Variants in XPO4 observed in about 807,000 individuals in gnomAD.
XPO4 encodes exportin-4.
In XPO4, 39 loss-of-function variants were observed where a neutral mutation model predicts 143.0. The observed-to-expected ratio is 0.27, with a 90% CI of 0.21 to 0.36. The LOEUF (loss-of-function observed/expected upper bound fraction) is 0.36. Among genes scored for constraint, XPO4 ranks in the 10% least tolerant of loss-of-function variants. The probability of loss-of-function intolerance (pLI) is 1.00; values close to 1 mark genes in which losing one functional copy is unlikely to be tolerated. For synonymous variants in XPO4, 439 were observed against 474.0 expected (o/e 0.93, Z 0.96); for missense variants, 907 against 1,348.0 (o/e 0.67, Z 5.12).
At position 20,855,734 on chromosome 13, in the gene XPO4, G is replaced by C; in HGVS notation, c.349C>G (p.Leu117Val). The C allele has an allele frequency of 3.1e-6, 5 of 1,605,096 alleles. No homozygotes were observed. The highest frequency in any genetic ancestry group is 4.2e-6 in the Non-Finnish European group (5 of 1,177,924). ...CTTTTTACAATTACTGCTACTGCTA[G>C]TAGAATCTGTTCCCGAACATACTTT... ...LQKYVREQIL[L>V]AVAVIVKRGS... is the part of the protein sequence containing the mutation. The change falls in exon 4 of 23, where the codon CTA (leucine) becomes GTA (valine). Residue 117 changes from leucine to valine, a missense_variant. Coordinates refer to ENST00000255305, the MANE Select transcript of XPO4 (RefSeq NM_022459.5).
At chr13:20,894,469 T>C (rs997155108) in intron 1 of XPO4, among the ~76,000 whole-genome samples, 1 of 152,192 alleles carries the variant, frequency 6.6e-6, no homozygotes, top group African/African-American at 2.4e-5. Context: ...AGTCTTAGTC[T>C]GAACCATGAT....
At chr13:20,876,667 T>G (rs2138149920) in intron 1 of XPO4, among the ~76,000 whole-genome samples, 1 of 152,252 alleles carries the variant, frequency 6.6e-6, no homozygotes, top group Middle Eastern at 3.4e-3. Flanking sequence ...ATTAGTAAAT[T>G]GAACTATATT....
intron 4 of XPO4, chr13:20,850,221 C>T (rs186790617): frequency 3.0e-6 from 3 of 985,116 alleles, no homozygotes; most frequent in Non-Finnish European, 3.6e-6. Flanking sequence ...TAGTTCACTT[C>T]CCGAGATTCT....
intron 4 of XPO4, among the ~76,000 whole-genome samples, chr13:20,855,150 G>C (rs2060129494): frequency 1.3e-5 from 2 of 152,062 alleles, no homozygotes; most frequent in African/African-American, 4.8e-5. Flanking sequence ...TTTATATTAT[G>C]TACATATATA....
chr13:20,785,195 G>A (rs2059185264), intron 22 of XPO4, among the ~76,000 whole-genome samples: 1 of 152,104 alleles, frequency 6.6e-6, no homozygotes, highest in Non-Finnish European at 1.5e-5. Context: ...GGCTTCTTGG[G>A]ATATCATGAT....
intron 3 of XPO4, among the ~76,000 whole-genome samples, chr13:20,861,303 T>C (rs1329195112): frequency 6.7e-6 from 1 of 150,328 alleles, no homozygotes; most frequent in Non-Finnish European, 1.5e-5. Flanking sequence ...TCCTCTTTTT[T>C]TTTTTTTTTT....
chr13:20,813,015 T>A (rs1199724320), intron 9 of XPO4, among the ~76,000 whole-genome samples: 1 of 152,106 alleles, frequency 6.6e-6, no homozygotes, highest in African/African-American at 2.4e-5. Context: ...TCCGCAGGCT[T>A]AACAGGAAGG....
chr13:20,789,601 G>C (rs1385369361), intron 19 of XPO4, among the ~76,000 whole-genome samples: 2 of 151,304 alleles, frequency 1.3e-5, no homozygotes, highest in Non-Finnish European at 3.0e-5. Context: ...GTAGAGGCGG[G>C]GTTTCACCAT....
chr13:20,867,346 AT>A (rs913920112), intron 2 of XPO4, among the ~76,000 whole-genome samples: 2 of 152,258 alleles, frequency 1.3e-5, no homozygotes, highest in Admixed American at 6.5e-5. Flanking sequence ...AGAACACAGC[AT>A]TTTTAAAGCC....
chr13:20,792,462 G>A (rs1025344953), intron 18 of XPO4, among the ~76,000 whole-genome samples: 4 of 152,116 alleles, frequency 2.6e-5, no homozygotes, highest in Non-Finnish European at 5.9e-5. Context: ...CCAGGTACTT[G>A]GGAGGCTGAG....
At position 20,822,791 on chromosome 13, in the gene XPO4, C is replaced by T. The variant is rs564167004; in HGVS notation, c.841-502G>A. ...TCATTCAACCAAAATATAATGAGCA[C>T]GTTCTTTTATTAATTCTCAGTTTGC... is the stretch of plus-strand genomic sequence containing the variant. On this transcript the variant is annotated intron_variant, in intron 7 of 22. Transcript: ENST00000255305. Among the ~76,000 whole-genome samples, 296 of 152,242 alleles carry T rather than the reference C, an allele frequency of 1.9e-3. 2 individuals carry two copies. The highest frequency in any genetic ancestry group is 6.8e-3 in the African/African-American group (281 of 41,548).
intron 9 of XPO4, among the ~76,000 whole-genome samples, chr13:20,816,663 G>A (rs2059654700): frequency 6.6e-6 from 1 of 152,172 alleles, no homozygotes; most frequent in African/African-American, 2.4e-5. Flanking sequence ...CACTAAAGGT[G>A]CAAGAATTCT....
intron 1 of XPO4, among the ~76,000 whole-genome samples, chr13:20,890,945 TC>T (rs1284320584): frequency 6.6e-6 from 1 of 150,960 alleles, no homozygotes; most frequent in African/African-American, 2.4e-5. Context: ...AAACCCCGTC[TC>T]TACTAAAAAT....
Position 20,856,277 on chromosome 13 carries a change from C to T in XPO4, c.318-512G>A, listed in dbSNP as rs1006135065. The stretch of plus-strand genomic sequence containing the variant: ...TTAATGTGAAAAGGCAACATACTAG[C>T]TATCCGAGATACATCATTATGGAAA... On this transcript the variant is annotated intron_variant, in intron 3 of 22. Transcript: ENST00000255305. 1.4e-5 allele frequency: 13 copies of T among 949,830 alleles called. No homozygotes were observed. The African/African-American group carries it at 2.3e-4, about 17-fold the overall frequency. The allele number at this position is 949,830 out of a possible 1,614,324, so 58.8% of individuals were successfully genotyped here. A position where few individuals can be genotyped will look rare whatever the true frequency, so the allele number is the denominator to read the frequency against.
rs1034248975 is a variant in XPO4, at chr13:20,873,059, T to C, written c.70-4358A>G. ...CATAAATCAGAAGGATTGGAAGCAA[T>C]AGGAGGTGGTAGTAGAGACCCGTGA... On this transcript the variant is annotated intron_variant, in intron 1 of 22. Coordinates refer to ENST00000255305, the MANE Select transcript of XPO4 (RefSeq NM_022459.5). Among the ~76,000 whole-genome samples, 8 of 138,854 alleles carry C rather than the reference T, an allele frequency of 5.8e-5. No individual in the cohort carries two copies. The East Asian group carries it at 1.7e-3, about 30-fold the overall frequency. 91.1% of individuals were successfully genotyped at this position (138,854 alleles called of 152,430 possible). A position where few individuals can be genotyped will look rare whatever the true frequency, so the allele number is the denominator to read the frequency against.
intron 2 of XPO4, among the ~76,000 whole-genome samples, chr13:20,867,467 G>A (rs761081303): frequency 2.0e-5 from 3 of 152,086 alleles, no homozygotes; most frequent in Non-Finnish European, 4.4e-5. Context: ...TTCACCTCAC[G>A]AAACAATTTA....
At chr13:20,790,795 G>A (rs994164835) in intron 18 of XPO4, among the ~76,000 whole-genome samples, 2 of 152,138 alleles carry the variant, frequency 1.3e-5, no homozygotes, top group African/African-American at 2.4e-5. Flanking sequence ...CCCCAGCCCT[G>A]TGTCATCCTT....
At chr13:20,785,858 G>A (rs1231312835) in intron 22 of XPO4, among the ~76,000 whole-genome samples, 5 of 138,906 alleles carry the variant, frequency 3.6e-5, no homozygotes, top group East Asian at 4.3e-4. Context: ...GGAAGGGAAC[G>A]GGGGAGGAAA....
rs1367849144 is a variant in XPO4 at position 20,827,185 on chromosome 13, T to C, written c.728-6A>G. 2 of 1,602,556 alleles carry C rather than the reference T, an allele frequency of 1.2e-6. No homozygotes were observed. Among genetic ancestry groups the C allele is most frequent in the Admixed American group, 1.7e-5 (1 of 59,990 alleles). On this transcript the variant is annotated splice_region_variant and splice_polypyrimidine_tract_variant and intron_variant, in intron 6 of 22. Coordinates refer to ENST00000255305, the MANE Select transcript of XPO4 (RefSeq NM_022459.5). The stretch of plus-strand genomic sequence containing the variant: ...AGCTATATAATGTCTGCCCAGTTAT[T>C]TGGTGTCAAGGTCAACAACAATAAC...
Sources: gnomAD v4.1 joint callset for allele counts (sites outside exome capture counted in the v4.1 genomes callset) on GRCh38, gnomAD v4.1.1 for gene constraint, MANE v1.5 for transcripts, NCBI Gene and HGNC (gene_info 2026-07-23, HGNC 2026-07-21) for gene names.